Variants in NBDY observed in about 807,000 individuals in gnomAD.
NBDY encodes negative regulator of P-body association, also known as P-body dissociating protein.
chrX:56,739,230 TTGTG>T (rs1168874061), intron 2 of NBDY, among the ~76,000 whole-genome samples: 1 of 66,484 alleles, frequency 1.5e-5, no homozygotes, highest in South Asian at 8.5e-4. Flanking sequence ...ATATGTGTGT[TTGTG>T]TGTGTATATA....
intron 2 of NBDY, among the ~76,000 whole-genome samples, chrX:56,781,641 G>C (rs965304711): frequency 9.0e-6 from 1 of 111,502 alleles, no homozygotes; most frequent in Non-Finnish European, 1.9e-5. Flanking sequence ...CTTCTTCACT[G>C]TCTTTACTTT....
At chrX:56,803,046 G>C (rs1489256973) in intron 2 of NBDY, among the ~76,000 whole-genome samples, 1 of 111,598 alleles carries the variant, frequency 9.0e-6, no homozygotes, top group Non-Finnish European at 1.9e-5. Context: ...TAGTGCCATC[G>C]AGCGGAATCT....
chrX:56,764,720 A>AAAAC (rs1219160133), intron 2 of NBDY, among the ~76,000 whole-genome samples: 1 of 108,706 alleles, frequency 9.2e-6, no homozygotes, highest in African/African-American at 3.3e-5. Context: ...AAAAAAAAAA[A>AAAAC]AAGAAACTGG....
chrX:56,796,383 T>G, intron 2 of NBDY, among the ~76,000 whole-genome samples: 1 of 112,680 alleles, frequency 8.9e-6, no homozygotes, highest in Non-Finnish European at 1.9e-5. Context: ...TGTGTAGTTT[T>G]GGAGGTTTTC....
chrX:56,729,521 A>G lies in NBDY; in HGVS notation c.168A>G (p.Ser56=). 3.4e-6 allele frequency: 1 copy of G among 298,046 alleles called. No homozygotes were observed. Among genetic ancestry groups the G allele is most frequent in the Non-Finnish European group, 5.9e-6 (1 of 170,382 alleles). The allele number at this position is 298,046 out of a possible 1,213,427, so 24.6% of individuals were successfully genotyped here. The change falls in exon 1 of 3, where the codon TCA becomes TCG. Residue 56 remains serine, a synonymous_variant. Coordinates refer to ENST00000374922, the MANE Select transcript of NBDY (RefSeq NM_001348129.2). ...TACCCTCCGCACCTCCTCCTGCATCAGCCGGCCTGAAGTCGCACCCTCCTC... is the reference window on the plus strand; with the variant it reads ...TACCCTCCGCACCTCCTCCTGCATCGGCCGGCCTGAAGTCGCACCCTCCTC... The part of the protein sequence containing the change: ...TTLPSAPPPA[S]AGLKSHPPPP...
chrX:56,764,947 CCACT>C (rs1342112239), intron 2 of NBDY, among the ~76,000 whole-genome samples: 1 of 112,404 alleles, frequency 8.9e-6, no homozygotes, highest in Non-Finnish European at 1.9e-5. Flanking sequence ...CCACAAGAGG[CCACT>C]CATAGTGCTG....
chrX:56,799,444 T>G (rs1472047858), intron 2 of NBDY, among the ~76,000 whole-genome samples: 1 of 113,304 alleles, frequency 8.8e-6, no homozygotes, highest in Non-Finnish European at 1.9e-5. Context: ...TGACTGGTCT[T>G]GGGGCTGCCA....
intron 2 of NBDY, among the ~76,000 whole-genome samples, chrX:56,759,091 C>T (rs2069625516): frequency 8.9e-6 from 1 of 112,256 alleles, no homozygotes; most frequent in South Asian, 3.7e-4. Context: ...ACTCCTGCCT[C>T]AGGCCCTGTG....
chrX:56,741,456 T>C (rs752405848), intron 2 of NBDY, among the ~76,000 whole-genome samples: 1 of 111,925 alleles, frequency 8.9e-6, no homozygotes, highest in South Asian at 3.7e-4. Context: ...TACATTCCCA[T>C]CAACAGTGTA....
intron 2 of NBDY, among the ~76,000 whole-genome samples, chrX:56,755,632 C>T (rs1309927770): frequency 1.4e-4 from 16 of 111,368 alleles, no homozygotes; most frequent in African/African-American, 5.2e-4. Flanking sequence ...ATTAAAAAGT[C>T]AGGAAACAAC....
At chrX:56,737,162 G>T in intron 2 of NBDY, 1 of 613,722 alleles carries the variant, frequency 1.6e-6, no homozygotes, top group South Asian at 2.2e-5. Context: ...AACATCTGCA[G>T]ACCAAATAAT....
chrX:56,759,418 C>T (rs1360899459), intron 2 of NBDY, among the ~76,000 whole-genome samples: 2 of 112,398 alleles, frequency 1.8e-5, no homozygotes, highest in Non-Finnish European at 3.8e-5. Flanking sequence ...CTCCAGCCTA[C>T]CAGGCCTTGG....
intron 2 of NBDY, among the ~76,000 whole-genome samples, chrX:56,813,550 A>C (rs1189698299): frequency 9.0e-6 from 1 of 111,381 alleles, no homozygotes; most frequent in Non-Finnish European, 1.9e-5. Flanking sequence ...AGAGAAACAC[A>C]CAAGAAACTT....
At chrX:56,802,005 C>G (rs989665825) in intron 2 of NBDY, among the ~76,000 whole-genome samples, 2 of 107,489 alleles carry the variant, frequency 1.9e-5, no homozygotes, top group African/African-American at 6.7e-5. Flanking sequence ...CACACACACA[C>G]ACACACACAC....
intron 2 of NBDY, among the ~76,000 whole-genome samples, chrX:56,803,835 A>G (rs1041907745): frequency 2.7e-5 from 3 of 112,281 alleles, no homozygotes; most frequent in Non-Finnish European, 5.6e-5. Context: ...GAAAAGAAAG[A>G]AAGAAAGAAA....
chrX:56,805,871 G>A (rs141937048), intron 2 of NBDY, among the ~76,000 whole-genome samples: 1,759 of 110,944 alleles, frequency 0.016, 17 homozygotes, highest in Middle Eastern at 0.041. Flanking sequence ...TGCAGAACAC[G>A]CAGGTTTGTT....
chrX:56,764,383 G>A (rs1325760420), intron 2 of NBDY, among the ~76,000 whole-genome samples: 1 of 111,809 alleles, frequency 8.9e-6, no homozygotes, highest in African/African-American at 3.3e-5. Flanking sequence ...CGCCCTCTGG[G>A]CTGACTGGTC....
chrX:56,811,127 C>G (rs1376683386), intron 2 of NBDY: 1 of 112,531 alleles, frequency 8.9e-6, no homozygotes, highest in Admixed American at 9.4e-5. Flanking sequence ...CCTCTGGAAC[C>G]TTTGTCCCAG....
intron 2 of NBDY, among the ~76,000 whole-genome samples, chrX:56,811,963 G>A (rs1212162615): frequency 9.0e-6 from 1 of 111,478 alleles, no homozygotes; most frequent in Admixed American, 9.4e-5. Flanking sequence ...GTGCTGGAGT[G>A]CATGGTATAG....
Sources: gnomAD v4.1 joint callset for allele counts (sites outside exome capture counted in the v4.1 genomes callset) on GRCh38, gnomAD v4.1.1 for gene constraint, MANE v1.5 for transcripts, NCBI Gene and HGNC (gene_info 2026-07-23, HGNC 2026-07-21) for gene names.